The following DCAF8L2 variants were observed in gnomAD, a reference collection of about 807,000 sequenced individuals.
DCAF8L2 encodes DDB1 and CUL4 associated factor 8 like 2.
For missense variants in DCAF8L2, 430 were observed against 490.7 expected (o/e 0.88, Z 1.17); for synonymous variants, 200 against 190.9 (o/e 1.05, Z -0.39).
At chrX:27,488,881 G>A in the DCAF8L2 span, among the ~76,000 whole-genome samples, 8 of 109,438 alleles carry the variant, frequency 7.3e-5, no homozygotes, top group Admixed American at 3.0e-4. Flanking sequence ...TGCCCAGGCT[G>A]GTCTTCAAGC....
chrX:27,720,618 C>G (rs890666165), intron 4 of DCAF8L2, among the ~76,000 whole-genome samples: 1 of 111,374 alleles, frequency 9.0e-6, no homozygotes, highest in Non-Finnish European at 1.9e-5. Context: ...CATGACCCAC[C>G]CGCCTCGGCC....
chrX:27,485,033 CATA>C, the DCAF8L2 span, among the ~76,000 whole-genome samples: 1 of 111,476 alleles, frequency 9.0e-6, no homozygotes, highest in Admixed American at 9.6e-5. Flanking sequence ...TTAGGATTTT[CATA>C]ATGAGAAAAT....
chrX:27,636,290 T>C (rs1426617294), intron 2 of DCAF8L2, among the ~76,000 whole-genome samples: 1 of 112,115 alleles, frequency 8.9e-6, no homozygotes, highest in Non-Finnish European at 1.9e-5. Flanking sequence ...CATATTCCTC[T>C]GAGTTCTAAA....
chrX:27,500,281 T>C, the DCAF8L2 span, among the ~76,000 whole-genome samples: 1 of 111,947 alleles, frequency 8.9e-6, no homozygotes, highest in African/African-American at 3.2e-5. Context: ...AATTTAAAAT[T>C]AAGCAATCAA....
the DCAF8L2 span, among the ~76,000 whole-genome samples, chrX:27,565,976 C>T: frequency 9.0e-6 from 1 of 110,523 alleles, no homozygotes; most frequent in Non-Finnish European, 1.9e-5. Context: ...TGCATGTGGA[C>T]CCTTAGCATG....
Position 27,749,094 on chromosome X carries a change from C to A in DCAF8L2, c.*303C>A, listed in dbSNP as rs759059364. 9.0e-6 allele frequency among the ~76,000 whole-genome samples: 1 copy of A among 110,998 alleles called. No homozygotes were observed. Among genetic ancestry groups the A allele is most frequent in the South Asian group, 3.8e-4 (1 of 2,621 alleles). On this transcript the variant is annotated 3_prime_UTR_variant, in exon 5 of 5. Transcript: ENST00000451261. Reference sequence around the variant, plus strand: ...TTTCCTTTGTTCCCTTATAGTTGACCTCTAAATTTTCTGAATTTTGCTGAA... The same window carrying A: ...TTTCCTTTGTTCCCTTATAGTTGACATCTAAATTTTCTGAATTTTGCTGAA...
At chrX:27,528,601 A>T in the DCAF8L2 span, among the ~76,000 whole-genome samples, 6 of 108,584 alleles carry the variant, frequency 5.5e-5, no homozygotes, top group Admixed American at 6.0e-4. Context: ...TGAAGTGAAA[A>T]ATATCTTATG....
intron 4 of DCAF8L2, among the ~76,000 whole-genome samples, chrX:27,735,222 T>G (rs1921454385): frequency 8.9e-6 from 1 of 111,869 alleles, no homozygotes; most frequent in African/African-American, 3.2e-5. Context: ...AGGGCAACAA[T>G]TAGGCTTGCA....
At chrX:27,635,828 T>TGTGTGTGG in intron 2 of DCAF8L2, among the ~76,000 whole-genome samples, 1 of 103,609 alleles carries the variant, frequency 9.7e-6, no homozygotes, top group African/African-American at 3.5e-5. Flanking sequence ...TGTGTGTGTG[T>TGTGTGTGG]GTGATGGAGT....
upstream of DCAF8L2, among the ~76,000 whole-genome samples, chrX:27,588,903 A>T (rs1200580246): frequency 9.0e-6 from 1 of 111,210 alleles, no homozygotes; most frequent in Admixed American, 9.6e-5. Context: ...GAAATAACTT[A>T]TAGAAATGAC....
the DCAF8L2 span, among the ~76,000 whole-genome samples, chrX:27,496,916 A>G: frequency 8.9e-6 from 1 of 112,469 alleles, no homozygotes; most frequent in Non-Finnish European, 1.9e-5. Flanking sequence ...TTGGATACGT[A>G]TCTAAAGAAT....
chrX:27,519,830 A>C, the DCAF8L2 span: 1 of 352,334 alleles, frequency 2.8e-6, no homozygotes, highest in Non-Finnish European at 5.0e-6. Context: ...GTCATCTATA[A>C]ATTTCAAAAA....
the DCAF8L2 span, among the ~76,000 whole-genome samples, chrX:27,497,545 CTTCCTTCT>C: frequency 6.2e-4 from 48 of 76,988 alleles, no homozygotes; most frequent in Middle Eastern, 6.4e-3. Flanking sequence ...TCCTTCCTTC[CTTCCTTCT>C]TTCTTTCTTT....
At chrX:27,688,285 T>C (rs975441149) in intron 3 of DCAF8L2, among the ~76,000 whole-genome samples, 1 of 111,686 alleles carries the variant, frequency 9.0e-6, no homozygotes, top group Non-Finnish European at 1.9e-5. Context: ...GACCATCCAA[T>C]CTCTCCTCTT....
the DCAF8L2 span, among the ~76,000 whole-genome samples, chrX:27,565,209 G>T: frequency 9.1e-6 from 1 of 110,439 alleles, no homozygotes; most frequent in Non-Finnish European, 1.9e-5. Flanking sequence ...GGCTTTTATT[G>T]TGCTGAGGTA....
the DCAF8L2 span, among the ~76,000 whole-genome samples, chrX:27,536,559 T>G: frequency 8.9e-6 from 1 of 112,095 alleles, no homozygotes; most frequent in African/African-American, 3.2e-5. Context: ...TAAAACTGTG[T>G]TCTTGTCACA....
intron 2 of DCAF8L2, among the ~76,000 whole-genome samples, chrX:27,651,660 A>G (rs7884663): frequency 0.12 from 13,154 of 107,998 alleles, 1,511 homozygotes; most frequent in African/African-American, 0.36. Flanking sequence ...AAAGGAGCCT[A>G]CCACCACACC....
intron 2 of DCAF8L2, among the ~76,000 whole-genome samples, chrX:27,653,715 CAG>C (rs1285358533): frequency 1.1e-5 from 1 of 87,890 alleles, no homozygotes; most frequent in East Asian, 3.4e-4. Context: ...TGATAACACA[CAG>C]ATATGTATAC....
At chrX:27,563,697 T>C in the DCAF8L2 span, among the ~76,000 whole-genome samples, 28 of 112,482 alleles carry the variant, frequency 2.5e-4, no homozygotes, top group Non-Finnish European at 4.5e-4. Flanking sequence ...AAATTGAATT[T>C]TAATTTCTAC....
Sources: gnomAD v4.1 joint callset for allele counts (sites outside exome capture counted in the v4.1 genomes callset) on GRCh38, gnomAD v4.1.1 for gene constraint, MANE v1.5 for transcripts, NCBI Gene and HGNC (gene_info 2026-07-23, HGNC 2026-07-21) for gene names.